ZNF99: variants seen among roughly 807,000 people sequenced by gnomAD.
ZNF99 encodes the protein zinc finger protein 99.
ZNF99 carries 8 observed loss-of-function variants against 12.8 expected under a neutral mutation model. The observed-to-expected ratio is 0.62, with a 90% CI of 0.37 to 1.13. ZNF99 has a LOEUF of 1.13. ZNF99 is among the 50% of genes most tolerant of loss of function. ZNF99 has a pLI of 0.02. For synonymous variants in ZNF99, 318 were observed against 319.0 expected (o/e 1.00, Z 0.03); for missense variants, 1,007 against 1,006.2 (o/e 1.00, Z -0.01).
At chr19:22,767,838 A>C (rs913390480) in intron 3 of ZNF99, among the ~76,000 whole-genome samples, 1 of 152,228 alleles carries the variant, frequency 6.6e-6, no homozygotes, top group Non-Finnish European at 1.5e-5. Flanking sequence ...AACAGACTGT[A>C]CAAGAAGTAT....
chr19:22,771,820 C>A (rs111963372), intron 1 of ZNF99, among the ~76,000 whole-genome samples: 2 of 53,304 alleles, frequency 3.8e-5, no homozygotes, highest in Non-Finnish European at 8.3e-5. Flanking sequence ...CGGGTTCAAG[C>A]GATTCTCCTG....
chr19:22,776,412 T>C (rs1442758206), intron 1 of ZNF99, among the ~76,000 whole-genome samples: 2 of 1,128 alleles, frequency 1.8e-3, no homozygotes, highest in African/African-American at 3.0e-3. Context: ...AAATAAGATA[T>C]ATATATATAT....
rs1318137306 is a variant in ZNF99, at chr19:22,759,201, T to A, written c.708A>T (p.Lys236Asn). The change falls in exon 4 of 4, where the codon AAA becomes AAT. Residue 236 changes from lysine to asparagine, a missense_variant. Transcript: ENST00000596209. ...TGAACATTGAAGAGATGTTAAAAGCTTTGCCACATTTCTTATATTTGTAGG... is the reference window on the plus strand; with the variant it reads ...TGAACATTGAAGAGATGTTAAAAGCATTGCCACATTTCTTATATTTGTAGG... The part of the protein sequence containing the change: ...DKPYKYKKCG[K>N]AFNISSMFTK... The A allele has an allele frequency of 2.5e-6, 4 of 1,575,256 alleles. No individual in the cohort carries two copies. The South Asian group carries it at 4.6e-5, about 18-fold the overall frequency.
chr19:22,760,884 TAA>T (rs5827535), intron 3 of ZNF99, among the ~76,000 whole-genome samples: 37 of 118,230 alleles, frequency 3.1e-4, no homozygotes, highest in East Asian at 5.0e-4. Flanking sequence ...ATTCTTTATC[TAA>T]AAAAAAAAAA....
intron 1 of ZNF99, chr19:22,773,987 G>A (rs911369669): frequency 1.3e-5 from 2 of 153,216 alleles, no homozygotes; most frequent in Admixed American, 6.5e-5. Flanking sequence ...AAAAACCACT[G>A]CTGGATTTCC....
chr19:22,774,835 A>T (rs1412473287), intron 1 of ZNF99, among the ~76,000 whole-genome samples: 1 of 152,122 alleles, frequency 6.6e-6, no homozygotes, highest in Non-Finnish European at 1.5e-5. Flanking sequence ...GTGCCATTGC[A>T]CTCCAGCCTG....
chr19:22,776,744 T>G (rs546315940), intron 1 of ZNF99, among the ~76,000 whole-genome samples: 1 of 152,106 alleles, frequency 6.6e-6, no homozygotes, highest in African/African-American at 2.4e-5. Flanking sequence ...AAATAAAAAT[T>G]ATTCTGTCAT....
chr19:22,757,914 A>T lies in ZNF99; in HGVS notation c.1995T>A (p.Thr665=). The T allele has an allele frequency of 6.2e-7, 1 of 1,610,966 alleles. No individual in the cohort carries two copies. The highest frequency in any genetic ancestry group is 8.5e-7 in the Non-Finnish European group (1 of 1,178,826). The change falls in exon 4 of 4, where the codon ACT becomes ACA. Residue 665 remains threonine (T), a synonymous_variant. Transcript: ENST00000596209. ...GKAFKWSSHL[T]RHKVIHTEEK... ...CTTCAGTATGAATTACTTTATGTCT[A>T]GTAAGGTGTGAGGACCACTTAAAAG... is the stretch of plus-strand genomic sequence containing the variant.
intron 1 of ZNF99, among the ~76,000 whole-genome samples, chr19:22,783,631 G>A (rs7248170): frequency 6.6e-6 from 1 of 152,106 alleles, no homozygotes; most frequent in East Asian, 1.9e-4. Flanking sequence ...TTTAATAGGA[G>A]AAAAGAGGGA....
At position 22,780,934 on chromosome 19, in the gene ZNF99, T is replaced by A. The variant is rs73564695; in HGVS notation, c.3+3080A>T. On this transcript the variant is annotated intron_variant, in intron 1 of 3. Transcript: ENST00000596209. The stretch of plus-strand genomic sequence containing the variant: ...TTCTAAAGCCAAAATGGAAGAGAGA[T>A]TTTCCCTATTTTTCTTCCTTGGTAG... Among the ~76,000 whole-genome samples the A allele has an allele frequency of 8.6e-3, 1,306 of 152,216 alleles. 19 individuals carry two copies. Among genetic ancestry groups the A allele is most frequent in the African/African-American group, 0.03 (1,242 of 41,510 alleles).
In ZNF99 at chr19:22,757,307, G is replaced by A; in HGVS notation, c.*7C>T. 1 of 1,612,806 alleles carries A rather than the reference G, an allele frequency of 6.2e-7. No individual in the cohort carries two copies. The highest frequency in any genetic ancestry group is 8.5e-7 in the Non-Finnish European group (1 of 1,179,642). On this transcript the variant is annotated 3_prime_UTR_variant, in exon 4 of 4. Transcript: ENST00000596209. ...TTCACATTTGTAGGGTTTCTTTCCA[G>A]TATGAATTATCTCATGTTTTCTAAG...
chr19:22,759,284 C>T lies in ZNF99; in HGVS notation c.625G>A (p.Ala209Thr). Residue 209 changes from alanine (A) to threonine (T), a missense_variant, in exon 4 of 4, where the codon GCC becomes ACC. Coordinates refer to ENST00000596209, the MANE Select transcript of ZNF99 (RefSeq NM_001080409.3). ...ATAAGGGTTGAGAACCATTTAAAGG[C>T]TTTGCCACGTTCTTCACATTTGTAG... ...NIYKCEERGKAFKWFSTLIKH... is the reference protein window; with the variant it reads ...NIYKCEERGKTFKWFSTLIKH... 1.3e-6 allele frequency: 2 copies of T among 1,550,488 alleles called. No individual in the cohort carries two copies. Among genetic ancestry groups the T allele is most frequent in the Non-Finnish European group, 8.7e-7 (1 of 1,148,462 alleles).
At chr19:22,764,439 C>T (rs1415433037) in intron 3 of ZNF99, among the ~76,000 whole-genome samples, 1 of 152,052 alleles carries the variant, frequency 6.6e-6, no homozygotes. Flanking sequence ...TTAAAACAAA[C>T]ATAAATTAGG....
intron 3 of ZNF99, among the ~76,000 whole-genome samples, chr19:22,761,099 G>A (rs1973146350): frequency 6.6e-6 from 1 of 151,744 alleles, no homozygotes; most frequent in African/African-American, 2.4e-5. Context: ...ATCAAAAAAA[G>A]TATAAAATTT....
chr19:22,769,210 G>C lies in ZNF99; in HGVS notation c.118C>G (p.Leu40Val). ...RNVMLENYRN[L>V]VFLGIAVSKL... ...AAATCATCCTCACCCAGGAAGACCA[G>C]GTTTCTGTAGTTCTCTAACATAACA... The change falls in exon 2 of 4, where the codon CTG becomes GTG. Residue 40 changes from leucine to valine, a missense_variant. Coordinates refer to ENST00000596209, the MANE Select transcript of ZNF99 (RefSeq NM_001080409.3). 1 of 1,607,052 alleles carries C rather than the reference G, an allele frequency of 6.2e-7. No individual in the cohort carries two copies. Among genetic ancestry groups the C allele is most frequent in the Non-Finnish European group, 8.5e-7 (1 of 1,176,052 alleles).
In ZNF99 at chr19:22,753,290, A is replaced by C. The variant is rs1972996719; in HGVS notation, c.*4024T>G. The C allele has an allele frequency of 6.6e-6, 1 of 151,990 alleles. No individual in the cohort carries two copies. Among genetic ancestry groups the C allele is most frequent in the African/African-American group, 2.4e-5 (1 of 41,396 alleles). 9.4% of individuals were successfully genotyped at this position (151,990 alleles called of 1,614,324 possible). A position where few individuals can be genotyped will look rare whatever the true frequency, so the allele number is the denominator to read the frequency against. On this transcript the variant is annotated 3_prime_UTR_variant, in exon 4 of 4. Coordinates refer to ENST00000596209, the MANE Select transcript of ZNF99 (RefSeq NM_001080409.3). ...AATAACTTATCTAAATTTTAGATTG[A>C]AATTATTTTTTTTACTCAACACTCT...
chr19:22,754,526 G>C lies in ZNF99; in HGVS notation c.*2788C>G, dbSNP rs1215025643. ...TTCTGTATGAATTCTCTTATATTTA[G>C]TATGAGTTGAAGACCAGTTAAAGAC... On this transcript the variant is annotated 3_prime_UTR_variant, in exon 4 of 4. Coordinates refer to ENST00000596209, the MANE Select transcript of ZNF99 (RefSeq NM_001080409.3). The C allele has an allele frequency of 4.7e-6, 2 of 428,356 alleles. No homozygotes were observed. The highest frequency in any genetic ancestry group is 4.1e-5 in the African/African-American group (2 of 48,332). 26.5% of individuals were successfully genotyped at this position (428,356 alleles called of 1,614,324 possible). A position where few individuals can be genotyped will look rare whatever the true frequency, so the allele number is the denominator to read the frequency against.
chr19:22,753,295 A>T lies in ZNF99; in HGVS notation c.*4019T>A, dbSNP rs1972996822. ...CTTATCTAAATTTTAGATTGAAATT[A>T]TTTTTTTTACTCAACACTCTGATTT... On this transcript the variant is annotated 3_prime_UTR_variant, in exon 4 of 4. Transcript: ENST00000596209. 4.0e-5 allele frequency: 6 copies of T among 151,858 alleles called. No homozygotes were observed. In the South Asian group the frequency reaches 8.3e-4, roughly 21 times the overall value. The allele number at this position is 151,858 out of a possible 1,614,324, so 9.4% of individuals were successfully genotyped here.
Position 22,754,184 on chromosome 19 carries a change from T to C in ZNF99, c.*3130A>G, listed in dbSNP as rs1438015465. 1 of 447,866 alleles carries C rather than the reference T, an allele frequency of 2.2e-6. No individual in the cohort carries two copies. The highest frequency in any genetic ancestry group is 2.0e-5 in the African/African-American group (1 of 49,650). The allele number at this position is 447,866 out of a possible 1,614,324, so 27.7% of individuals were successfully genotyped here. A position where few individuals can be genotyped will look rare whatever the true frequency, so the allele number is the denominator to read the frequency against. On this transcript the variant is annotated 3_prime_UTR_variant, in exon 4 of 4. Coordinates refer to ENST00000596209, the MANE Select transcript of ZNF99 (RefSeq NM_001080409.3). ...GAGTTCAAAACCAGCCTGGTCAAAA[T>C]GGTGAAACCCCGTCTCTACTAAAAA...
Sources: gnomAD v4.1 joint callset for allele counts (sites outside exome capture counted in the v4.1 genomes callset) on GRCh38, gnomAD v4.1.1 for gene constraint, MANE v1.5 for transcripts, NCBI Gene and HGNC (gene_info 2026-07-23, HGNC 2026-07-21) for gene names.